PFKFB1: variants seen among roughly 807,000 people sequenced by gnomAD.
PFKFB1 encodes the protein 6-phosphofructo-2-kinase/fructose-2,6-biphosphatase 1.
PFKFB1 carries 34 observed loss-of-function variants against 46.4 expected under a neutral mutation model. The ratio of observed to expected loss-of-function variants is 0.73; its 90% CI spans 0.56 to 0.98. The LOEUF is 0.98. Ranked by LOEUF, PFKFB1 falls within the 50% of genes least tolerant of loss-of-function variation. The pLI, the probability that PFKFB1 is intolerant of heterozygous loss-of-function variation, is 0.00. For synonymous variants in PFKFB1, 119 were observed against 133.8 expected (o/e 0.89, Z 0.76); for missense variants, 393 against 376.3 (o/e 1.04, Z -0.37).
At chrX:54,992,562 G>A (rs1367253734) in intron 1 of PFKFB1, among the ~76,000 whole-genome samples, 1 of 112,040 alleles carries the variant, frequency 8.9e-6, no homozygotes, top group African/African-American at 3.3e-5. Context: ...CATTAATCCT[G>A]TTTTATAGCT....
rs1265872124 is a variant in PFKFB1 at position 54,963,189 on chromosome X, C to G, written c.223+68G>C. On this transcript the variant is annotated intron_variant, in intron 2 of 13. Coordinates refer to ENST00000375006, the MANE Select transcript of PFKFB1 (RefSeq NM_002625.4). ...TTCTGGTATTGAGGACTTTGGCCTT[C>G]TACCTAAGTAAGGTTTTCAGCCAGT... 3 of 1,137,831 alleles carry G rather than the reference C, an allele frequency of 2.6e-6. No individual in the cohort carries two copies. The African/African-American group carries it at 5.4e-5, about 20-fold the overall frequency. 93.8% of individuals were successfully genotyped at this position (1,137,831 alleles called of 1,213,427 possible).
intron 11 of PFKFB1, among the ~76,000 whole-genome samples, chrX:54,936,732 T>C (rs1295078014): frequency 1.8e-5 from 2 of 112,011 alleles, no homozygotes; most frequent in African/African-American, 6.5e-5. Flanking sequence ...GCAGAGGAAA[T>C]TCCTTATTTA....
At chrX:54,937,873 C>A (rs1050775997) in intron 10 of PFKFB1, 149 bp from the exon 11 acceptor site, 1 of 454,792 alleles carries the variant, frequency 2.2e-6, no homozygotes, top group Admixed American at 3.9e-5. Flanking sequence ...AACTCACTTC[C>A]TTCTTAGGGT....
intron 1 of PFKFB1, among the ~76,000 whole-genome samples, chrX:54,978,999 T>C (rs1322538131): frequency 9.0e-6 from 1 of 111,401 alleles, no homozygotes; most frequent in African/African-American, 3.3e-5. Flanking sequence ...AGGACGTTAG[T>C]GAAAAAACTG....
chrX:54,939,548 T>A (rs1175879673), intron 10 of PFKFB1, among the ~76,000 whole-genome samples: 1 of 111,471 alleles, frequency 9.0e-6, no homozygotes, highest in African/African-American at 3.3e-5. Flanking sequence ...CAATAAAAAA[T>A]GATAAAGGGA....
At chrX:54,984,187 G>A (rs1402433081) in intron 1 of PFKFB1, among the ~76,000 whole-genome samples, 1 of 111,881 alleles carries the variant, frequency 8.9e-6, no homozygotes, top group Non-Finnish European at 1.9e-5. Flanking sequence ...AGTACTAGAA[G>A]TTCTAACCAC....
chrX:54,936,888 C>T (rs1933417707), intron 11 of PFKFB1, among the ~76,000 whole-genome samples: 1 of 110,991 alleles, frequency 9.0e-6, no homozygotes, highest in Non-Finnish European at 1.9e-5. Flanking sequence ...CTCTGAGACA[C>T]CTTAAAAATA....
At chrX:54,977,226 T>C (rs12171767) in intron 1 of PFKFB1, among the ~76,000 whole-genome samples, 1,959 of 110,951 alleles carry the variant, frequency 0.018, 25 homozygotes, top group African/African-American at 0.061. Flanking sequence ...TCTCACTAAA[T>C]GGGGTGGAGA....
At chrX:54,933,716 A>G in intron 13 of PFKFB1, 105 bp downstream of exon 13, 1 of 708,227 alleles carries the variant, frequency 1.4e-6, no homozygotes, top group Non-Finnish European at 2.2e-6. Context: ...CTGTTGGTGC[A>G]AAACACCCAG....
chrX:54,996,874 T>C (rs940177880), upstream of PFKFB1, among the ~76,000 whole-genome samples: 1 of 111,720 alleles, frequency 9.0e-6, no homozygotes, highest in African/African-American at 3.3e-5. Context: ...TGATGTTCAC[T>C]TCCTCTGGGA....
Position 54,949,212 on chromosome X carries a change from C to A in PFKFB1, c.856G>T (p.Ala286Ser). 2.5e-6 allele frequency: 3 copies of A among 1,200,151 alleles called. No individual in the cohort carries two copies. In the South Asian group the frequency reaches 5.4e-5, roughly 22 times the overall value. ...LSVRGKQYAY[A>S]LANFIQSQGI... ...TGGGACTGAATGAAGTTGGCCAGGG[C>A]ATAGGCATACTAGGATGTGGGGATG... The change falls in exon 9 of 14, where the codon GCC (alanine) becomes TCC (serine). Residue 286 changes from alanine (A) to serine (S), a missense_variant. Transcript: ENST00000375006.
chrX:54,987,911 G>A (rs192822626), intron 1 of PFKFB1, among the ~76,000 whole-genome samples: 20 of 111,426 alleles, frequency 1.8e-4, no homozygotes, highest in Admixed American at 8.6e-4. Context: ...CTCCCATGCC[G>A]CCTGCCAAGA....
At chrX:54,994,249 G>A, upstream of PFKFB1, 4 of 753,977 alleles carry the variant, frequency 5.3e-6, no homozygotes, top group Non-Finnish European at 6.3e-6. Flanking sequence ...GAGGGCGAGA[G>A]GTTGGGCAGA....
chrX:54,952,074 C>T lies in PFKFB1; in HGVS notation c.677G>A (p.Arg226His), dbSNP rs769919634. The T allele has an allele frequency of 1.7e-6, 2 of 1,209,664 alleles. No homozygotes were observed. The highest frequency in any genetic ancestry group is 2.2e-6 in the Non-Finnish European group (2 of 894,973). Residue 226 changes from arginine to histidine, a missense_variant, in exon 8 of 14, where the codon CGC becomes CAC. By Grantham distance (29) the Arg-to-His change is conservative. Transcript: ENST00000375006. ...ATCCTGCACTCGGTTCACCATGTAG[C>T]GTGTGCCCACGTCGAAGATCTTGAT... The part of the protein sequence containing the change: ...SYIKIFDVGT[R>H]YMVNRVQDHI...
rs1400574871 is a variant in PFKFB1, at chrX:54,933,297, G to C, written c.*106C>G. ...TGCGGAGGACTTCTTCACTGGAAGT[G>C]GGGTGCCTCAGTGAGGCCAAGGCAG... is the stretch of plus-strand genomic sequence containing the variant. On this transcript the variant is annotated 3_prime_UTR_variant, in exon 14 of 14. Transcript: ENST00000375006. The C allele has an allele frequency of 3.2e-6, 2 of 634,277 alleles. No homozygotes were observed. The highest frequency in any genetic ancestry group is 2.6e-5 in the South Asian group (1 of 38,858). 52.3% of individuals were successfully genotyped at this position (634,277 alleles called of 1,213,427 possible).
intron 10 of PFKFB1, among the ~76,000 whole-genome samples, chrX:54,944,166 T>C (rs1443246916): frequency 1.8e-5 from 2 of 111,849 alleles, no homozygotes; most frequent in Non-Finnish European, 3.8e-5. Flanking sequence ...AAATACATTT[T>C]GACCTTACAT....
At chrX:54,955,923 A>G (rs1934118834) in intron 7 of PFKFB1, among the ~76,000 whole-genome samples, 1 of 112,134 alleles carries the variant, frequency 8.9e-6, no homozygotes, top group Admixed American at 9.4e-5. Context: ...CAGGGTCCTG[A>G]ACTGTTCATA....
At position 54,993,433 on chromosome X, in the gene PFKFB1, T is replaced by C. The variant is rs184769958; in HGVS notation, c.97+478A>G. Among the ~76,000 whole-genome samples, 460 of 111,287 alleles carry C rather than the reference T, an allele frequency of 4.1e-3. 1 individual carries two copies. The highest frequency in any genetic ancestry group is 5.6e-3 in the Non-Finnish European group (298 of 52,978). The stretch of plus-strand genomic sequence containing the variant: ...AAAGGAGAGGAGCAATACTGACCAG[T>C]GACATGGCACTGTTGTGTACCCAGC... On this transcript the variant is annotated intron_variant, in intron 1 of 13. Coordinates refer to ENST00000375006, the MANE Select transcript of PFKFB1 (RefSeq NM_002625.4).
chrX:54,987,803 A>C (rs889757640), intron 1 of PFKFB1, among the ~76,000 whole-genome samples: 1 of 110,876 alleles, frequency 9.0e-6, no homozygotes, highest in African/African-American at 3.3e-5. Flanking sequence ...AACCAACAAC[A>C]AATTAAAACT....
Sources: allele counts gnomAD v4.1 joint callset (sites outside exome capture counted in the v4.1 genomes callset), GRCh38; gene constraint gnomAD v4.1.1; transcripts MANE v1.5; gene names NCBI Gene and HGNC (gene_info 2026-07-23, HGNC 2026-07-21).